The following PADI4 variants were observed in gnomAD, a reference collection of about 807,000 sequenced individuals.
PADI4 encodes protein-arginine deiminase type-4.
In PADI4, 62 loss-of-function variants were observed where a neutral mutation model predicts 75.0. That is an observed-to-expected ratio of 0.83 (90% confidence interval 0.67 to 1.02). PADI4 has a LOEUF of 1.02. Among genes scored for constraint, PADI4 ranks in the 50% least tolerant of loss-of-function variants. PADI4 has a pLI of 0.00. For synonymous variants in PADI4, 361 were observed against 348.1 expected (o/e 1.04, Z -0.41); for missense variants, 845 against 850.5 (o/e 0.99, Z 0.08).
At chr1:17,361,001 C>T (rs373081209) in intron 15 of PADI4, among the ~76,000 whole-genome samples, 9 of 152,186 alleles carry the variant, frequency 5.9e-5, no homozygotes, top group Admixed American at 1.3e-4. Flanking sequence ...AGAGCATACC[C>T]GAGACCGAGG....
At position 17,322,664 on chromosome 1, in the gene PADI4, G is replaced by A. The variant is rs1284122116; in HGVS notation, c.93-8305G>A. 2.6e-5 allele frequency among the ~76,000 whole-genome samples: 4 copies of A among 152,122 alleles called. No individual in the cohort carries two copies. The South Asian group carries it at 6.2e-4, about 24-fold the overall frequency. ...TTTATTTATGAACCATGAGAGGCAG[G>A]TTTGAGGGACCCAGTTCCCAGGACT... is the stretch of plus-strand genomic sequence containing the variant. On this transcript the variant is annotated intron_variant, in intron 1 of 15. Transcript: ENST00000375448.
intron 6 of PADI4, among the ~76,000 whole-genome samples, chr1:17,340,413 A>G (rs1050576730): frequency 4.6e-5 from 7 of 152,034 alleles, no homozygotes; most frequent in Admixed American, 2.6e-4. Context: ...GGTTGTGTGG[A>G]GAGAGGGTGG....
intron 1 of PADI4, among the ~76,000 whole-genome samples, chr1:17,308,657 G>C (rs1461268226): frequency 1.3e-5 from 2 of 152,150 alleles, no homozygotes; most frequent in Non-Finnish European, 2.9e-5. Context: ...GTGTGCCCTG[G>C]AAGTAAGGTT....
In PADI4 at chr1:17,356,563, A is replaced by G. The variant is rs368039628; in HGVS notation, c.1558+104A>G. On this transcript the variant is annotated intron_variant, in intron 13 of 15. Coordinates refer to ENST00000375448, the MANE Select transcript of PADI4 (RefSeq NM_012387.3). This position sits in a 1 kb window ranked among gnomAD's most constrained non-coding sequence, Gnocchi z 4.1. ...CCAGGCAATAGGGTAGCATCTGAGC[A>G]CCTACTGTGCGCCAGGCACTGTGCC... 1 of 690,406 alleles carries G rather than the reference A, an allele frequency of 1.4e-6. No individual in the cohort carries two copies. The highest frequency in any genetic ancestry group is 2.7e-5 in the East Asian group (1 of 37,454). 42.8% of individuals were successfully genotyped at this position (690,406 alleles called of 1,614,324 possible). A position where few individuals can be genotyped will look rare whatever the true frequency, so the allele number is the denominator to read the frequency against.
chr1:17,335,845 T>C (rs576645966), intron 3 of PADI4, among the ~76,000 whole-genome samples: 1 of 152,326 alleles, frequency 6.6e-6, no homozygotes, highest in East Asian at 1.9e-4. Context: ...ATTGTGGTGG[T>C]TGGGAATTCC....
intron 6 of PADI4, among the ~76,000 whole-genome samples, chr1:17,341,165 C>G (rs2477151): frequency 0.034 from 5,041 of 149,544 alleles, 132 homozygotes; most frequent in Non-Finnish European, 0.054. Flanking sequence ...GTGGCGCAAT[C>G]TCAACTCACT....
At chr1:17,337,897 G>C in intron 4 of PADI4, 141 bp from the exon 5 acceptor site, 1 of 339,296 alleles carries the variant, frequency 2.9e-6, no homozygotes, top group Admixed American at 4.3e-5. Context: ...CCTGGCAGCA[G>C]AGGGAGACTC....
At chr1:17,330,910 A>G in intron 1 of PADI4, 59 bp from the exon 2 acceptor site, 2 of 1,148,030 alleles carry the variant, frequency 1.7e-6, no homozygotes, top group Non-Finnish European at 2.4e-6. Flanking sequence ...TGGGAGAGCC[A>G]TGGCTGGCCC....
At chr1:17,319,244 A>G (rs900833959) in intron 1 of PADI4, among the ~76,000 whole-genome samples, 1 of 152,068 alleles carries the variant, frequency 6.6e-6, no homozygotes, top group Admixed American at 6.6e-5. Flanking sequence ...CATATCACTC[A>G]AGAGTACAGG....
At chr1:17,333,809 C>T (rs2074259175) in intron 2 of PADI4, 134 bp from the exon 3 acceptor site, 2 of 648,450 alleles carry the variant, frequency 3.1e-6, no homozygotes, top group South Asian at 3.6e-5. Flanking sequence ...TGGGGCCACT[C>T]CTTACAGGCT....
chr1:17,357,923 T>G, intron 13 of PADI4, among the ~76,000 whole-genome samples: 1 of 115,840 alleles, frequency 8.6e-6, no homozygotes. Context: ...AGAGCAAGAC[T>G]CAGTCTCAAA....
At chr1:17,355,167 C>G (rs2074738589) in intron 11 of PADI4, among the ~76,000 whole-genome samples, 1 of 152,182 alleles carries the variant, frequency 6.6e-6, no homozygotes, top group Admixed American at 6.5e-5. Flanking sequence ...AGATCTGGGA[C>G]AGAGAGTTCC....
chr1:17,323,475 C>A (rs1011382255), intron 1 of PADI4, among the ~76,000 whole-genome samples: 25 of 152,228 alleles, frequency 1.6e-4, no homozygotes, highest in African/African-American at 4.6e-4. Flanking sequence ...TTTCCTAATT[C>A]TTTATAATGA....
chr1:17,319,898 C>T (rs1467206642), intron 1 of PADI4, among the ~76,000 whole-genome samples: 1 of 152,182 alleles, frequency 6.6e-6, no homozygotes, highest in Non-Finnish European at 1.5e-5. Context: ...AGTTAGGTTA[C>T]AGTTTACTAT....
At chr1:17,342,442 A>C in intron 8 of PADI4, 40 bp downstream of exon 8, 6 of 1,233,582 alleles carry the variant, frequency 4.9e-6, no homozygotes, top group African/African-American at 1.5e-5. Flanking sequence ...CCAGACAACA[A>C]AGAGCCTGAG....
intron 15 of PADI4, among the ~76,000 whole-genome samples, chr1:17,361,145 G>C (rs1211556087): frequency 2.9e-5 from 4 of 136,652 alleles, no homozygotes; most frequent in Non-Finnish European, 6.4e-5. Flanking sequence ...AGCCTAGGCA[G>C]TGCCAGCCCC....
intron 1 of PADI4, among the ~76,000 whole-genome samples, chr1:17,328,272 C>T (rs12733748): frequency 0.016 from 2,438 of 152,178 alleles, 34 homozygotes; most frequent in Non-Finnish European, 0.024. Context: ...AATCCTCCTG[C>T]CTTTGCCTCC....
rs71575827 is a variant in PADI4, at chr1:17,324,146, G to GTT, written c.93-6816_93-6815dup. On this transcript the variant is annotated intron_variant, in intron 1 of 15. Transcript: ENST00000375448. ...GGGCTGGCTAATAACACCAAGTTGG[G>GTT]TTTTTTTTGTTTTTTTTTTTTTGCA... 2.6e-3 allele frequency among the ~76,000 whole-genome samples: 298 copies of GTT among 113,772 alleles called. 40 individuals carry two copies. Among genetic ancestry groups the GTT allele is most frequent in the African/African-American group, 4.0e-3 (122 of 30,222 alleles). 74.6% of individuals were successfully genotyped at this position (113,772 alleles called of 152,430 possible). A position where few individuals can be genotyped will look rare whatever the true frequency, so the allele number is the denominator to read the frequency against.
In PADI4 at chr1:17,358,844, A is replaced by G; in HGVS notation, c.1565A>G (p.Lys522Arg). ...ALLFEGIKKK[K>R]QQKIKNILSN... ...TTCTTTTTCTCCATGACAGAAAAAA[A>G]ACAGCAGAAAATAAAGAACATTCTG... The change falls in exon 14 of 16, where the codon AAA (lysine) becomes AGA (arginine). Residue 522 changes from lysine to arginine, a missense_variant. Coordinates refer to ENST00000375448, the MANE Select transcript of PADI4 (RefSeq NM_012387.3). 1 of 1,601,156 alleles carries G rather than the reference A, an allele frequency of 6.2e-7. No individual in the cohort carries two copies. Among genetic ancestry groups the G allele is most frequent in the Non-Finnish European group, 8.5e-7 (1 of 1,172,050 alleles).
Sources: gnomAD v4.1 joint callset for allele counts (sites outside exome capture counted in the v4.1 genomes callset) on GRCh38, gnomAD v4.1.1 for gene constraint, Gnocchi (gnomAD v3.1) non-coding constraint, MANE v1.5 for transcripts, NCBI Gene and HGNC (gene_info 2026-07-23, HGNC 2026-07-21) for gene names.